The following DOCK3 variants were observed in gnomAD, a reference collection of about 807,000 sequenced individuals.
DOCK3 encodes dedicator of cytokinesis 3.
A neutral mutation model predicts 265.6 loss-of-function variants in DOCK3; 60 were observed. The ratio of observed to expected loss-of-function variants is 0.23; its 90% confidence interval spans 0.18 to 0.28. DOCK3 has a LOEUF of 0.28. DOCK3 is among the 10% of genes least tolerant of loss of function. The pLI is 1.00. For missense variants in DOCK3, 1,981 were observed against 2,594.3 expected, an observed-to-expected ratio of 0.76 and a Z score of 5.14; for synonymous variants, 881 against 938.0, an observed-to-expected ratio of 0.94 and a Z score of 1.11.
At chr3:51,342,439 C>A (rs2085303055) in intron 38 of DOCK3, among the ~76,000 whole-genome samples, 1 of 152,218 alleles carries the variant, frequency 6.6e-6, no homozygotes, top group Admixed American at 6.5e-5. Flanking sequence ...CCTTGCTGAT[C>A]CAGCGCCTGA....
At chr3:51,198,595 AAC>A (rs1491243298) in intron 12 of DOCK3, among the ~76,000 whole-genome samples, 2 of 151,790 alleles carry the variant, frequency 1.3e-5, no homozygotes, top group East Asian at 1.9e-4. Flanking sequence ...AAAAAAAAAA[AAC>A]AGGGAAAGGG....
intron 12 of DOCK3, among the ~76,000 whole-genome samples, chr3:51,200,309 A>G (rs979348964): frequency 4.0e-5 from 6 of 151,896 alleles, no homozygotes; most frequent in African/African-American, 9.7e-5. Flanking sequence ...ATGTATAACT[A>G]CAATAACCAA....
intron 17 of DOCK3, 70 bp from the exon 18 acceptor site, chr3:51,228,591 A>C: frequency 6.6e-7 from 1 of 1,522,770 alleles, no homozygotes; most frequent in Non-Finnish European, 8.8e-7. Context: ...TCAGCCCAGA[A>C]ATTCCTAGGA....
intron 1 of DOCK3, among the ~76,000 whole-genome samples, chr3:50,767,006 T>C (rs2040927388): frequency 6.6e-6 from 1 of 152,182 alleles, no homozygotes; most frequent in African/African-American, 2.4e-5. Flanking sequence ...TCTTTGTAGA[T>C]TCTGGATATT....
At position 50,996,778 on chromosome 3, in the gene DOCK3, T is replaced by A. The variant is rs548964554; in HGVS notation, c.315+62701T>A. On this transcript the variant is annotated intron_variant, in intron 5 of 52. Transcript: ENST00000266037. Reference sequence around the variant, plus strand: ...CATACAACAGGAGCCATGAGCTTTTTAAAATGCATACGGAATCATTGTATC... The same window carrying A: ...CATACAACAGGAGCCATGAGCTTTTAAAAATGCATACGGAATCATTGTATC... Among the ~76,000 whole-genome samples, 3 of 152,326 alleles carry A rather than the reference T, an allele frequency of 2.0e-5. No individual in the cohort carries two copies. In the East Asian group the frequency reaches 5.8e-4, roughly 29 times the overall value.
At chr3:50,747,523 T>G (rs2108282373) in intron 1 of DOCK3, among the ~76,000 whole-genome samples, 1 of 152,356 alleles carries the variant, frequency 6.6e-6, no homozygotes, top group African/African-American at 2.4e-5. Context: ...ATATTTACCC[T>G]TAAGTATTTC....
chr3:50,874,917 G>A (rs1387152944), intron 3 of DOCK3, among the ~76,000 whole-genome samples: 1 of 152,062 alleles, frequency 6.6e-6, no homozygotes, highest in African/African-American at 2.4e-5. Flanking sequence ...GCAGGCACAC[G>A]GATGAAGCTG....
Position 51,374,603 on chromosome 3 carries a change from C to T in DOCK3, c.5412+16C>T, listed in dbSNP as rs1414223778. ...GAACGGACAGGTAATAGACCCACCA[C>T]ACTGACTGTCCTCTGCTGCAAGTGT... On this transcript the variant is annotated intron_variant, in intron 50 of 52. Coordinates refer to ENST00000266037, the MANE Select transcript of DOCK3 (RefSeq NM_004947.5). The surrounding 1 kb of genome is among the most constrained non-coding windows in gnomAD (Gnocchi z 4.8). 5.6e-6 allele frequency: 9 copies of T among 1,596,156 alleles called. No individual in the cohort carries two copies. The highest frequency in any genetic ancestry group is 7.7e-6 in the Non-Finnish European group (9 of 1,168,962).
intron 49 of DOCK3, among the ~76,000 whole-genome samples, chr3:51,372,518 T>C (rs2087765268): frequency 6.6e-6 from 1 of 152,162 alleles, no homozygotes; most frequent in African/African-American, 2.4e-5. Context: ...ATCTCCATCC[T>C]AACCCCCTCA....
chr3:51,260,017 T>C (rs1342369435), intron 22 of DOCK3, 139 bp from the exon 23 acceptor site: 4 of 792,480 alleles, frequency 5.0e-6, no homozygotes, highest in Non-Finnish European at 7.5e-6. Flanking sequence ...ATAAAGTACC[T>C]ATCTATCTCC....
chr3:50,853,359 G>A (rs1575360594), intron 3 of DOCK3, among the ~76,000 whole-genome samples: 1 of 151,798 alleles, frequency 6.6e-6, no homozygotes, highest in East Asian at 1.9e-4. Context: ...TGTTACATGG[G>A]TATATTGTGT....
At chr3:50,962,715 T>A (rs1023378363) in intron 5 of DOCK3, among the ~76,000 whole-genome samples, 34 of 152,160 alleles carry the variant, frequency 2.2e-4, no homozygotes, top group Non-Finnish European at 4.3e-4. Flanking sequence ...AGGACTCTTT[T>A]TTATTTTTTC....
At chr3:50,821,032 A>C (rs961032410) in intron 2 of DOCK3, among the ~76,000 whole-genome samples, 1 of 150,892 alleles carries the variant, frequency 6.6e-6, no homozygotes, top group African/African-American at 2.4e-5. Flanking sequence ...TTCCTTATAG[A>C]TTCTGGATAT....
chr3:51,111,462 C>T (rs1298490768), intron 9 of DOCK3, among the ~76,000 whole-genome samples: 1 of 152,066 alleles, frequency 6.6e-6, no homozygotes, highest in Non-Finnish European at 1.5e-5. Context: ...ACAAAGCTGA[C>T]AAAAATAAGC....
At chr3:51,112,311 A>T (rs1302293761) in intron 9 of DOCK3, among the ~76,000 whole-genome samples, 1 of 152,184 alleles carries the variant, frequency 6.6e-6, no homozygotes, top group Non-Finnish European at 1.5e-5. Flanking sequence ...ATAGAGAAAA[A>T]ATTATAAGTA....
chr3:51,046,432 G>A (rs1279894765), intron 5 of DOCK3, among the ~76,000 whole-genome samples: 1 of 152,106 alleles, frequency 6.6e-6, no homozygotes, highest in Non-Finnish European at 1.5e-5. Flanking sequence ...AGAGAGCAAA[G>A]GTAGCTAGCT....
chr3:50,683,765 C>T (rs1157207114), intron 1 of DOCK3, among the ~76,000 whole-genome samples: 1 of 151,946 alleles, frequency 6.6e-6, no homozygotes, highest in Non-Finnish European at 1.5e-5. Flanking sequence ...AAGGGTGGCA[C>T]TAAACTTTTC....
chr3:51,090,006 T>G (rs2082577687), intron 8 of DOCK3, among the ~76,000 whole-genome samples: 1 of 151,900 alleles, frequency 6.6e-6, no homozygotes. Flanking sequence ...GGAATTACTG[T>G]CCCTATATTT....
chr3:51,228,816 C>G lies in DOCK3; in HGVS notation c.1803C>G (p.Thr601=). 1 of 1,613,904 alleles carries G rather than the reference C, an allele frequency of 6.2e-7. No homozygotes were observed. Among genetic ancestry groups the G allele is most frequent in the Non-Finnish European group, 8.5e-7 (1 of 1,179,806 alleles). The change falls in exon 18 of 53, where the codon ACC becomes ACG. Residue 601 remains threonine, a synonymous_variant. Transcript: ENST00000266037. ...TCATCTCCACTCAGCTCTCCTCTAC[C>G]AAACTCACCCAGAATGGTAGGTGAT... ...SFFISTQLSS[T]KLTQNVDLLA...
Sources: allele counts gnomAD v4.1 joint callset (sites outside exome capture counted in the v4.1 genomes callset), GRCh38; gene constraint gnomAD v4.1.1; non-coding constraint Gnocchi (gnomAD v3.1); transcripts MANE v1.5; gene names NCBI Gene and HGNC (gene_info 2026-07-23, HGNC 2026-07-21).